The following HECW2 variants were observed in gnomAD, a reference collection of about 807,000 sequenced individuals.
The protein encoded by HECW2 is E3 ubiquitin-protein ligase HECW2.
A neutral mutation model predicts 175.2 loss-of-function variants in HECW2; 61 were observed. The ratio of observed to expected loss-of-function variants is 0.35; its 90% CI spans 0.28 to 0.43. The LOEUF is 0.43. Ranked by LOEUF, HECW2 falls within the 20% of genes least tolerant of loss-of-function variation. The probability of loss-of-function intolerance (pLI) is 1.00; values close to 1 mark genes in which losing one functional copy is unlikely to be tolerated. For synonymous variants in HECW2, 671 were observed against 731.0 expected (o/e 0.92, Z 1.32); for missense variants, 1,524 against 2,000.5 (o/e 0.76, Z 4.54).
chr2:196,526,016 C>T (rs1298548530), intron 1 of HECW2, among the ~76,000 whole-genome samples: 5 of 84,414 alleles, frequency 5.9e-5, no homozygotes, highest in South Asian at 1.0e-3. Flanking sequence ...TGAATCTGAA[C>T]GTTGGCCTGC....
chr2:196,261,796 G>A, intron 17 of HECW2, among the ~76,000 whole-genome samples: 1 of 152,190 alleles, frequency 6.6e-6, no homozygotes, highest in Non-Finnish European at 1.5e-5. Flanking sequence ...TTTTATATTT[G>A]TACACATTTA....
chr2:196,549,187 A>G (rs1689524986), intron 1 of HECW2, among the ~76,000 whole-genome samples: 1 of 152,234 alleles, frequency 6.6e-6, no homozygotes, highest in East Asian at 1.9e-4. Context: ...ACATCAATCT[A>G]CAGCATAACA....
At chr2:196,353,264 C>T (rs566147831) in intron 2 of HECW2, among the ~76,000 whole-genome samples, 2 of 152,144 alleles carry the variant, frequency 1.3e-5, no homozygotes, top group Non-Finnish European at 2.9e-5. Flanking sequence ...GTGGCTTATA[C>T]ATCACCTTTT....
chr2:196,221,605 G>A (rs1224250518), intron 24 of HECW2, among the ~76,000 whole-genome samples: 1 of 151,946 alleles, frequency 6.6e-6, no homozygotes, highest in Non-Finnish European at 1.5e-5. Context: ...CGTCCCCCAG[G>A]CTAGAGTGCA....
intron 2 of HECW2, among the ~76,000 whole-genome samples, chr2:196,363,526 G>A (rs1030362776): frequency 5.9e-5 from 9 of 152,286 alleles, no homozygotes; most frequent in Admixed American, 2.0e-4. Context: ...GTCACCACTG[G>A]GAGATTAAGA....
At chr2:196,388,287 C>T (rs749726117) in intron 2 of HECW2, among the ~76,000 whole-genome samples, 10 of 152,066 alleles carry the variant, frequency 6.6e-5, no homozygotes, top group Admixed American at 2.0e-4. Context: ...CAGTGAGACA[C>T]TGTCTCAAAA....
chr2:196,397,980 T>C (rs1321125918), intron 2 of HECW2, among the ~76,000 whole-genome samples: 1 of 152,144 alleles, frequency 6.6e-6, no homozygotes, highest in Non-Finnish European at 1.5e-5. Flanking sequence ...GCAGAAAGCA[T>C]ACCCTTCCGA....
At chr2:196,507,425 A>G (rs1030520479) in intron 1 of HECW2, among the ~76,000 whole-genome samples, 2 of 152,230 alleles carry the variant, frequency 1.3e-5, no homozygotes, top group African/African-American at 4.8e-5. Context: ...CCCAGGGGAA[A>G]TTTAGCAATG....
intron 1 of HECW2, among the ~76,000 whole-genome samples, chr2:196,533,437 C>A (rs1392591104): frequency 6.6e-6 from 1 of 152,116 alleles, no homozygotes; most frequent in Admixed American, 6.6e-5. Flanking sequence ...TATTTTGAAT[C>A]ACAACAGCCA....
At chr2:196,389,388 C>T (rs1411719596) in intron 2 of HECW2, among the ~76,000 whole-genome samples, 1 of 152,164 alleles carries the variant, frequency 6.6e-6, no homozygotes, top group East Asian at 1.9e-4. Context: ...GAAAAATGGG[C>T]TCCTGGTCAA....
intron 1 of HECW2, among the ~76,000 whole-genome samples, chr2:196,454,191 C>T (rs1696432756): frequency 6.6e-6 from 1 of 152,106 alleles, no homozygotes; most frequent in Non-Finnish European, 1.5e-5. Context: ...AACTCCTGAC[C>T]TCAAGCGATC....
intron 1 of HECW2, among the ~76,000 whole-genome samples, chr2:196,494,963 T>C (rs1687338879): frequency 6.6e-6 from 1 of 152,204 alleles, no homozygotes. Flanking sequence ...AAATGCAGAT[T>C]TCTTCTACCC....
intron 1 of HECW2, among the ~76,000 whole-genome samples, chr2:196,509,412 A>G (rs893585587): frequency 6.6e-6 from 1 of 152,198 alleles, no homozygotes; most frequent in South Asian, 2.1e-4. Context: ...GCCACTGGTG[A>G]TCAACTTAAC....
At chr2:196,384,317 G>A (rs1350020204) in intron 2 of HECW2, among the ~76,000 whole-genome samples, 3 of 152,112 alleles carry the variant, frequency 2.0e-5, no homozygotes, top group East Asian at 3.9e-4. Context: ...ACGGTGGCTC[G>A]TACCTGTAAT....
chr2:196,228,398 G>T, intron 21 of HECW2, 144 bp from the exon 22 acceptor site: 1 of 717,878 alleles, frequency 1.4e-6, no homozygotes, highest in Non-Finnish European at 2.3e-6. Context: ...CAAACTGAAT[G>T]ATCATAGTTT....
intron 1 of HECW2, among the ~76,000 whole-genome samples, chr2:196,460,444 G>A (rs1217666182): frequency 6.7e-6 from 1 of 148,622 alleles, no homozygotes; most frequent in East Asian, 1.9e-4. Flanking sequence ...AGTAAAAATT[G>A]AACCAAATTG....
intron 1 of HECW2, among the ~76,000 whole-genome samples, chr2:196,588,742 G>T (rs971232442): frequency 1.3e-5 from 2 of 152,140 alleles, no homozygotes; most frequent in Admixed American, 6.5e-5. Context: ...ACATATACAA[G>T]CTTATCACTT....
intron 28 of HECW2, among the ~76,000 whole-genome samples, chr2:196,207,865 G>T (rs886824901): frequency 7.2e-5 from 11 of 152,208 alleles, no homozygotes; most frequent in Admixed American, 5.2e-4. Flanking sequence ...ATTCCCATAG[G>T]GGGGAATTCC....
chr2:196,217,930 A>G (rs1327321658), intron 26 of HECW2: 1 of 152,232 alleles, frequency 6.6e-6, no homozygotes, highest in African/African-American at 2.4e-5. Flanking sequence ...ATTTTAATCC[A>G]AATTTTTCCT....
Sources: allele counts gnomAD v4.1 joint callset (sites outside exome capture counted in the v4.1 genomes callset), GRCh38; gene constraint gnomAD v4.1.1; transcripts MANE v1.5; gene names NCBI Gene and HGNC (gene_info 2026-07-23, HGNC 2026-07-21).